The following KIF25 variants were observed in gnomAD, a reference collection of about 807,000 sequenced individuals.
KIF25 encodes the protein kinesin-like protein KIF25.
A neutral mutation model predicts 32.9 loss-of-function variants in KIF25; 19 were observed. The ratio of observed to expected loss-of-function variants is 0.58; its 90% CI spans 0.40 to 0.85. KIF25 has a LOEUF of 0.85. Among genes scored for constraint, KIF25 ranks in the 40% least tolerant of loss-of-function variants. The probability of loss-of-function intolerance (pLI) is 0.00; values close to 1 mark genes in which losing one functional copy is unlikely to be tolerated. For missense variants in KIF25, 485 were observed against 507.0 expected, an observed-to-expected ratio of 0.96 and a Z score of 0.42; for synonymous variants, 225 against 213.7, an observed-to-expected ratio of 1.05 and a Z score of -0.46.
At chr6:168,044,661 C>A (rs1799191354) in intron 12 of KIF25, among the ~76,000 whole-genome samples, 166 bp from the exon 13 acceptor site, 1 of 152,258 alleles carries the variant, frequency 6.6e-6, no homozygotes, top group Non-Finnish European at 1.5e-5. Context: ...GCTGCTGACC[C>A]TCCTGGACCC....
At position 168,032,525 on chromosome 6, in the gene KIF25, C is replaced by G. The variant is rs951249347; in HGVS notation, c.168-1357C>G. Among the ~76,000 whole-genome samples, 9 of 152,342 alleles carry G rather than the reference C, an allele frequency of 5.9e-5. No homozygotes were observed. In the East Asian group the frequency reaches 1.5e-3, roughly 26 times the overall value. Reference sequence around the variant, plus strand: ...CAGGATGGTAACGCAGAGGCCTGATCAGCTTGGCGGGAGCTTGTGGTTTCC... The same window carrying G: ...CAGGATGGTAACGCAGAGGCCTGATGAGCTTGGCGGGAGCTTGTGGTTTCC... On this transcript the variant is annotated intron_variant, in intron 7 of 12. Coordinates refer to ENST00000643607, the MANE Select transcript of KIF25 (RefSeq NM_030615.4).
chr6:168,020,563 C>T (rs984961424), intron 5 of KIF25, among the ~76,000 whole-genome samples: 1 of 151,710 alleles, frequency 6.6e-6, no homozygotes, highest in African/African-American at 2.4e-5. Flanking sequence ...ATAAAATGCA[C>T]GTGAGCAACA....
chr6:168,009,273 T>TA (rs1407380165), intron 4 of KIF25, among the ~76,000 whole-genome samples: 5 of 152,152 alleles, frequency 3.3e-5, no homozygotes, highest in Admixed American at 6.5e-5. Flanking sequence ...TGTTTTTTTT[T>TA]ATCATGAAAG....
intron 8 of KIF25, among the ~76,000 whole-genome samples, chr6:168,036,949 C>G (rs1439713522): frequency 6.6e-6 from 1 of 152,194 alleles, no homozygotes; most frequent in Non-Finnish European, 1.5e-5. Flanking sequence ...GTAATGTCAG[C>G]TACTCAGGAG....
intron 6 of KIF25, among the ~76,000 whole-genome samples, chr6:168,030,141 C>T (rs1374369463): frequency 6.6e-6 from 1 of 152,148 alleles, no homozygotes; most frequent in African/African-American, 2.4e-5. Context: ...ATTTTTTGGA[C>T]GTTGCTTCCT....
At chr6:168,027,454 C>CAAAAA (rs757678230) in intron 5 of KIF25, among the ~76,000 whole-genome samples, 3 of 88,972 alleles carry the variant, frequency 3.4e-5, no homozygotes, top group Non-Finnish European at 4.6e-5. Flanking sequence ...ACTCTGTCTC[C>CAAAAA]AAAAAAAAAA....
At chr6:168,003,235 A>G (rs1019047730) in intron 3 of KIF25, among the ~76,000 whole-genome samples, 11 of 152,248 alleles carry the variant, frequency 7.2e-5, no homozygotes, top group Non-Finnish European at 1.5e-4. Flanking sequence ...AACAAGAAAT[A>G]AAGAACAGGG....
intron 5 of KIF25, among the ~76,000 whole-genome samples, chr6:168,022,097 C>A (rs1798795180): frequency 6.6e-6 from 1 of 152,066 alleles, no homozygotes; most frequent in Non-Finnish European, 1.5e-5. Context: ...TTTAAAAGTA[C>A]TTTCTCTCCT....
chr6:168,007,278 G>T (rs2114869685), intron 4 of KIF25, among the ~76,000 whole-genome samples: 1 of 152,266 alleles, frequency 6.6e-6, no homozygotes, highest in African/African-American at 2.4e-5. Flanking sequence ...TGGGCGTGGT[G>T]GTGGGCGCCT....
chr6:168,004,962 T>C (rs1054576831), intron 4 of KIF25, among the ~76,000 whole-genome samples: 2 of 152,226 alleles, frequency 1.3e-5, no homozygotes, highest in East Asian at 1.9e-4. Context: ...CAAGCCAGAA[T>C]GCGGACATTT....
chr6:168,037,584 G>A (rs747996932), intron 8 of KIF25, among the ~76,000 whole-genome samples: 5 of 152,168 alleles, frequency 3.3e-5, no homozygotes, highest in Non-Finnish European at 4.4e-5. Context: ...GGAGGAGAGA[G>A]AAAGGGAGGG....
rs1008911256 is a variant in KIF25 at position 167,998,012 on chromosome 6, T to C, written c.-1457T>C. Among the ~76,000 whole-genome samples the C allele has an allele frequency of 6.6e-6, 1 of 152,198 alleles. No individual in the cohort carries two copies. The highest frequency in any genetic ancestry group is 1.5e-5 in the Non-Finnish European group (1 of 68,044). On this transcript the variant is annotated 5_prime_UTR_variant, in exon 1 of 13. Coordinates refer to ENST00000643607, the MANE Select transcript of KIF25 (RefSeq NM_030615.4). ...TTGATATAAGAGAACATTTATTGAG[T>C]GCTTCCTGTGTACCAAGTACTTTTG... is the stretch of plus-strand genomic sequence containing the variant.
In KIF25 at chr6:168,038,631, C is replaced by T. The variant is rs999692676; in HGVS notation, c.396C>T (p.Asp132=). 14 of 1,614,040 alleles carry T rather than the reference C, an allele frequency of 8.7e-6. No homozygotes were observed. The Admixed American group carries it at 1.0e-4, about 12-fold the overall frequency. The part of the protein sequence containing the change: ...IVEVYNNDIF[D]LLAKDSIAAV... ...AAGTTTACAATAATGACATTTTTGA[C>T]CTTCTGGCCAAAGACAGCATTGCAG... Residue 132 remains aspartate (D), a synonymous_variant, in exon 9 of 13, where the codon GAC becomes GAT. Coordinates refer to ENST00000643607, the MANE Select transcript of KIF25 (RefSeq NM_030615.4).
At chr6:168,009,989 ATT>A (rs1798627531) in intron 4 of KIF25, among the ~76,000 whole-genome samples, 1 of 149,714 alleles carries the variant, frequency 6.7e-6, no homozygotes, top group African/African-American at 2.5e-5. Flanking sequence ...TGGTTTGTTG[ATT>A]TTCTTTGTCT....
Position 168,044,707 on chromosome 6 carries a change from C to T in KIF25, c.986-120C>T, listed in dbSNP as rs540802943. 4.4e-5 allele frequency: 47 copies of T among 1,063,016 alleles called. 1 individual carries two copies. The South Asian group carries it at 5.9e-4, about 13-fold the overall frequency. 65.8% of individuals were successfully genotyped at this position (1,063,016 alleles called of 1,614,324 possible). A position where few individuals can be genotyped will look rare whatever the true frequency, so the allele number is the denominator to read the frequency against. ...AACCTGCCAGACGTGGCCACTTTCC[C>T]GCTGGGGCGCCGGGCGGCCCTCTCT... On this transcript the variant is annotated intron_variant, in intron 12 of 12. Coordinates refer to ENST00000643607, the MANE Select transcript of KIF25 (RefSeq NM_030615.4).
At position 168,042,081 on chromosome 6, in the gene KIF25, C is replaced by T. The variant is rs1409438634; in HGVS notation, c.759C>T (p.Asn253=). 2 of 1,551,300 alleles carry T rather than the reference C, an allele frequency of 1.3e-6. No homozygotes were observed. Among genetic ancestry groups the T allele is most frequent in the Non-Finnish European group, 1.7e-6 (2 of 1,147,372 alleles). ...TGGCTCCACAGCTGGTTCCTGGGAA[C>T]CCCGCAGGGCATGCGGAGCAGGTGC... The part of the protein sequence containing the change: ...GALAPQLVPG[N]PAGHAEQVQA... The change falls in exon 11 of 13, where the codon AAC becomes AAT. Residue 253 remains asparagine (N), a synonymous_variant. Coordinates refer to ENST00000643607, the MANE Select transcript of KIF25 (RefSeq NM_030615.4).
intron 5 of KIF25, among the ~76,000 whole-genome samples, chr6:168,022,546 C>A (rs983374566): frequency 6.6e-6 from 1 of 152,200 alleles, no homozygotes; most frequent in Admixed American, 6.5e-5. Flanking sequence ...CCACCTCAGC[C>A]TCCCGAGTAG....
intron 9 of KIF25, among the ~76,000 whole-genome samples, chr6:168,039,683 A>G (rs1009109751): frequency 2.6e-5 from 4 of 152,246 alleles, no homozygotes; most frequent in Non-Finnish European, 5.9e-5. Flanking sequence ...TAGCAGTCAT[A>G]TCTCATCCAC....
chr6:168,001,538 C>G (rs1798501282), intron 2 of KIF25, among the ~76,000 whole-genome samples: 1 of 152,026 alleles, frequency 6.6e-6, no homozygotes, highest in South Asian at 2.1e-4. Context: ...GCAGTAGCCT[C>G]ATCTGAGGCG....
Sources: gnomAD v4.1 joint callset for allele counts (sites outside exome capture counted in the v4.1 genomes callset) on GRCh38, gnomAD v4.1.1 for gene constraint, MANE v1.5 for transcripts, NCBI Gene and HGNC (gene_info 2026-07-23, HGNC 2026-07-21) for gene names.